Variants in EPS15 observed in about 807,000 individuals in gnomAD.
The protein encoded by EPS15 is epidermal growth factor receptor pathway substrate 15.
In EPS15, 72 loss-of-function variants were observed where a neutral mutation model predicts 113.8. The observed-to-expected ratio is 0.63, with a 90% CI of 0.52 to 0.77. EPS15 has a LOEUF of 0.77. EPS15 is among the 30% of genes least tolerant of loss of function. The pLI, the probability that EPS15 is intolerant of heterozygous loss-of-function variation, is 0.00. For synonymous variants in EPS15, 344 were observed against 363.4 expected (o/e 0.95, Z 0.61); for missense variants, 1,048 against 1,045.8 (o/e 1.00, Z -0.03).
chr1:51,465,428 G>C lies in EPS15; in HGVS notation c.310-102C>G. ...TTTAAATATGTTCACACAAAATGCT[G>C]GATCTCAATGCACACAGGACACTAT... On this transcript the variant is annotated intron_variant, in intron 5 of 24. Coordinates refer to ENST00000371733, the MANE Select transcript of EPS15 (RefSeq NM_001981.3). 4.6e-6 allele frequency: 3 copies of C among 657,460 alleles called. No individual in the cohort carries two copies. The South Asian group carries it at 5.9e-5, about 13-fold the overall frequency. The allele number at this position is 657,460 out of a possible 1,614,324, so 40.7% of individuals were successfully genotyped here.
intron 13 of EPS15, among the ~76,000 whole-genome samples, chr1:51,416,527 A>G (rs1650236278): frequency 2.6e-5 from 4 of 152,234 alleles, no homozygotes; most frequent in Admixed American, 2.6e-4. Flanking sequence ...CTTTACTTAA[A>G]AAGAAATTTC....
intron 1 of EPS15, among the ~76,000 whole-genome samples, chr1:51,517,022 G>A (rs183517673): frequency 6.6e-6 from 1 of 152,174 alleles, no homozygotes; most frequent in East Asian, 1.9e-4. Context: ...TGTGAAACCA[G>A]GCTGCATTGT....
rs58449688 is a variant in EPS15, at chr1:51,384,508, C to T, written c.2119+9873G>A. On this transcript the variant is annotated intron_variant, in intron 21 of 24. Coordinates refer to ENST00000371733, the MANE Select transcript of EPS15 (RefSeq NM_001981.3). ...GTAGAGACAGAGTCTCACTATGTTG[C>T]CCAGGCTGGTCTTGAACTCCTGAAC... Among the ~76,000 whole-genome samples, 1,132 of 151,778 alleles carry T rather than the reference C, an allele frequency of 7.5e-3. 13 individuals are homozygous for T. Among genetic ancestry groups the T allele is most frequent in the African/African-American group, 0.026 (1,089 of 41,386 alleles).
At chr1:51,386,865 G>A (rs1385925983) in intron 21 of EPS15, among the ~76,000 whole-genome samples, 3 of 152,132 alleles carry the variant, frequency 2.0e-5, no homozygotes, top group African/African-American at 7.2e-5. Flanking sequence ...AAAGTGACAG[G>A]GAGAATGGAA....
chr1:51,475,895 A>G (rs1039538934), intron 2 of EPS15, among the ~76,000 whole-genome samples: 2 of 152,216 alleles, frequency 1.3e-5, no homozygotes, highest in African/African-American at 4.8e-5. Flanking sequence ...AGCTTTCTAC[A>G]TATGGCTAGC....
chr1:51,518,526 A>C (rs377081762), intron 1 of EPS15: 1 of 152,854 alleles, frequency 6.5e-6, no homozygotes. Flanking sequence ...CCCAGAAGGA[A>C]ACCTGATCAG....
At chr1:51,381,972 A>G (rs940191234) in intron 21 of EPS15, among the ~76,000 whole-genome samples, 2 of 152,172 alleles carry the variant, frequency 1.3e-5, no homozygotes, top group Non-Finnish European at 2.9e-5. Flanking sequence ...CAGAGACAAC[A>G]CAGAGAATAG....
At chr1:51,399,785 A>C (rs1448537923) in intron 19 of EPS15, among the ~76,000 whole-genome samples, 1 of 151,980 alleles carries the variant, frequency 6.6e-6, no homozygotes, top group Non-Finnish European at 1.5e-5. Flanking sequence ...TAGCTTGAGC[A>C]TGGGAGGCGG....
intron 21 of EPS15, chr1:51,372,456 C>A: frequency 1.9e-6 from 1 of 533,812 alleles, no homozygotes; most frequent in South Asian, 1.4e-5. Flanking sequence ...TGACAAAAAT[C>A]ATTCTGTCTG....
intron 12 of EPS15, among the ~76,000 whole-genome samples, chr1:51,428,428 T>G (rs980957885): frequency 6.6e-6 from 1 of 152,172 alleles, no homozygotes; most frequent in Non-Finnish European, 1.5e-5. Context: ...TAAAAAAGAA[T>G]TTATGAATCT....
intron 16 of EPS15, among the ~76,000 whole-genome samples, chr1:51,404,129 A>G (rs1044145164): frequency 5.9e-5 from 9 of 152,028 alleles, no homozygotes; most frequent in African/African-American, 2.2e-4. Context: ...GGCAGATCAC[A>G]AGGTCAGGAG....
At chr1:51,399,578 G>T (rs1648312274) in intron 19 of EPS15, among the ~76,000 whole-genome samples, 1 of 152,004 alleles carries the variant, frequency 6.6e-6, no homozygotes, top group Non-Finnish European at 1.5e-5. Context: ...GACAGTTTGG[G>T]CCAGGTGCAG....
intron 21 of EPS15, among the ~76,000 whole-genome samples, chr1:51,368,261 T>C (rs1481316445): frequency 6.6e-6 from 1 of 152,168 alleles, no homozygotes; most frequent in African/African-American, 2.4e-5. Flanking sequence ...ATCTTGGACA[T>C]AAAAAGAGGA....
intron 21 of EPS15, among the ~76,000 whole-genome samples, chr1:51,379,668 G>A (rs1303929610): frequency 6.6e-6 from 1 of 152,142 alleles, no homozygotes; most frequent in East Asian, 1.9e-4. Context: ...TGTAATCCCA[G>A]CACTTTCGGA....
chr1:51,381,117 G>GGA (rs1370891897), intron 21 of EPS15, among the ~76,000 whole-genome samples: 1 of 152,110 alleles, frequency 6.6e-6, no homozygotes, highest in Non-Finnish European at 1.5e-5. Flanking sequence ...CTTTCAATAA[G>GGA]GAGAGAGAGG....
At position 51,444,915 on chromosome 1, in the gene EPS15, G is replaced by A; in HGVS notation, c.928C>T (p.Pro310Ser). The A allele has an allele frequency of 6.2e-7, 1 of 1,613,784 alleles. No homozygotes were observed. The highest frequency in any genetic ancestry group is 8.5e-7 in the Non-Finnish European group (1 of 1,179,832). ...PHVLTPEMIPPSDRASLQKNI... is the reference protein window; with the variant it reads ...PHVLTPEMIPSSDRASLQKNI... The stretch of plus-strand genomic sequence containing the variant: ...TTTTGTAAACTGGCCCTGTCTGATG[G>A]TGGAATCATTTCAGGAGTAAGAACG... The change falls in exon 11 of 25, where the codon CCA becomes TCA. Residue 310 changes from proline to serine, a missense_variant. Coordinates refer to ENST00000371733, the MANE Select transcript of EPS15 (RefSeq NM_001981.3).
At chr1:51,402,719 T>C (rs1648697877) in intron 17 of EPS15, among the ~76,000 whole-genome samples, 194 bp from the exon 18 acceptor site, 2 of 152,044 alleles carry the variant, frequency 1.3e-5, no homozygotes, top group African/African-American at 4.8e-5. Flanking sequence ...GGTCAAGAGA[T>C]AGAGACCATC....
chr1:51,491,442 AT>A (rs1240367147), intron 1 of EPS15, among the ~76,000 whole-genome samples: 2 of 152,238 alleles, frequency 1.3e-5, no homozygotes, highest in African/African-American at 4.8e-5. Flanking sequence ...ACATAGGTTT[AT>A]AGTTTGCAAG....
chr1:51,407,919 C>A (rs1449361696), intron 15 of EPS15, among the ~76,000 whole-genome samples: 1 of 152,154 alleles, frequency 6.6e-6, no homozygotes, highest in Non-Finnish European at 1.5e-5. Context: ...AGCCCACACT[C>A]TTAATCACTA....
Sources: gnomAD v4.1 joint callset for allele counts (sites outside exome capture counted in the v4.1 genomes callset) on GRCh38, gnomAD v4.1.1 for gene constraint, MANE v1.5 for transcripts, NCBI Gene and HGNC (gene_info 2026-07-23, HGNC 2026-07-21) for gene names.